Variants in PCDHGB4 observed in about 807,000 individuals in gnomAD.
The protein encoded by PCDHGB4 is protocadherin gamma-B4.
PCDHGB4 carries 38 observed loss-of-function variants against 60.5 expected under a neutral mutation model. That is an observed-to-expected ratio of 0.63 (90% CI 0.48 to 0.82). PCDHGB4 has a LOEUF of 0.82. Among genes scored for constraint, PCDHGB4 ranks in the 40% least tolerant of loss-of-function variants. PCDHGB4 has a pLI of 0.00. For synonymous variants in PCDHGB4, 456 were observed against 509.7 expected (o/e 0.89, Z 1.42); for missense variants, 1,109 against 1,209.6 (o/e 0.92, Z 1.23).
intron 1 of PCDHGB4, chr5:141,423,851 C>T (rs1311833319): frequency 7.8e-6 from 10 of 1,275,940 alleles, no homozygotes; most frequent in African/African-American, 1.6e-5. Flanking sequence ...TCTTTCAGAA[C>T]GTTTTTGTGA....
In PCDHGB4 at chr5:141,387,779, G is replaced by T; in HGVS notation, c.-106G>T. 1 of 1,458,032 alleles carries T rather than the reference G, an allele frequency of 6.9e-7. No individual in the cohort carries two copies. Among genetic ancestry groups the T allele is most frequent in the Admixed American group, 2.6e-5 (1 of 39,014 alleles). 90.3% of individuals were successfully genotyped at this position (1,458,032 alleles called of 1,614,324 possible). A position where few individuals can be genotyped will look rare whatever the true frequency, so the allele number is the denominator to read the frequency against. On this transcript the variant is annotated 5_prime_UTR_variant, in exon 1 of 4. Transcript: ENST00000519479. ...AAAAAGAAGAATTTTTTCTTGAACT[G>T]GAACTGCAACTAAAGTCCGTTCGGA... is the stretch of plus-strand genomic sequence containing the variant.
intron 1 of PCDHGB4, among the ~76,000 whole-genome samples, chr5:141,458,338 G>A (rs1160200932): frequency 2.6e-5 from 4 of 152,134 alleles, no homozygotes; most frequent in African/African-American, 9.7e-5. Context: ...GTTTTAAGGA[G>A]TGGAGAGTTT....
In PCDHGB4 at chr5:141,510,989, C is replaced by A. The variant is rs2099883548; in HGVS notation, c.2588C>A (p.Thr863Asn). The A allele has an allele frequency of 1.2e-6, 2 of 1,614,198 alleles. No homozygotes were observed. The highest frequency in any genetic ancestry group is 1.7e-6 in the Non-Finnish European group (2 of 1,180,022). ...TCCACCCTGGGAGGGGGTGCCGGCA[C>A]CATGGGATTGAGCGCCCGCTACGGA... is the stretch of plus-strand genomic sequence containing the variant. ...GSSTLGGGAG[T>N]MGLSARYGPQ... Residue 863 changes from threonine to asparagine, a missense_variant, in exon 4 of 4, where the codon ACC becomes AAC. Thr to Asn is a moderately conservative substitution (Grantham distance 65, BLOSUM62 0). Transcript: ENST00000519479.
At position 141,512,765 on chromosome 5, in the gene PCDHGB4, G is replaced by C. The variant is rs988707269; in HGVS notation, c.*1592G>C. 1 of 152,668 alleles carries C rather than the reference G, an allele frequency of 6.6e-6. No individual in the cohort carries two copies. The highest frequency in any genetic ancestry group is 1.5e-5 in the Non-Finnish European group (1 of 68,460). The allele number at this position is 152,668 out of a possible 1,614,324, so 9.5% of individuals were successfully genotyped here. On this transcript the variant is annotated 3_prime_UTR_variant, in exon 4 of 4. Transcript: ENST00000519479. ...CCGCGCAGCCGTCTGTCCTTGATCT[G>C]CCCGCGGCGGCCCGTGTTGTGTTTT...
Position 141,489,565 on chromosome 5 carries a change from G to C in PCDHGB4, c.2398-5242G>C. The C allele has an allele frequency of 6.2e-7, 1 of 1,614,118 alleles. No homozygotes were observed. ...CAGCTGCCTGCTGCCAGTGCAGGTGGTGACTGAACACCCCCTGGAGCTAAT... is the reference window on the plus strand; with the variant it reads ...CAGCTGCCTGCTGCCAGTGCAGGTGCTGACTGAACACCCCCTGGAGCTAAT... On this transcript the variant is annotated intron_variant, in intron 1 of 3. Coordinates refer to ENST00000519479, the MANE Select transcript of PCDHGB4 (RefSeq NM_003736.4). This position sits in a 1 kb window ranked among gnomAD's most constrained non-coding sequence, Gnocchi z 4.5.
rs1458508114 is a variant in PCDHGB4, at chr5:141,489,523, C to T, written c.2398-5284C>T. ...GAATCAAAAGATTGACCGAGAAAGC[C>T]TATGTGGAGCCAGCACCAGCTGCCT... On this transcript the variant is annotated intron_variant, in intron 1 of 3. Transcript: ENST00000519479. This position sits in a 1 kb window ranked among gnomAD's most constrained non-coding sequence, Gnocchi z 4.5. The T allele has an allele frequency of 3.5e-5, 56 of 1,614,006 alleles. No homozygotes were observed. The highest frequency in any genetic ancestry group is 4.5e-5 in the Non-Finnish European group (53 of 1,180,044).
rs1280923293 is a variant in PCDHGB4 at position 141,478,837 on chromosome 5, G to A, written c.2398-15970G>A. ...AACTAACCAATCTTGCTAAGGGATG[G>A]TTAAGCTAAAACACAAGATCTCAGC... is the stretch of plus-strand genomic sequence containing the variant. On this transcript the variant is annotated intron_variant, in intron 1 of 3. Transcript: ENST00000519479. 3.5e-6 allele frequency: 5 copies of A among 1,428,112 alleles called. No homozygotes were observed. The African/African-American group carries it at 5.8e-5, about 16-fold the overall frequency. The allele number at this position is 1,428,112 out of a possible 1,614,324, so 88.5% of individuals were successfully genotyped here.
At chr5:141,405,582 C>T in intron 1 of PCDHGB4, 3 of 589,180 alleles carry the variant, frequency 5.1e-6, no homozygotes, top group African/African-American at 1.9e-5. Context: ...GTAGCTGGGA[C>T]TACAGGCCTC....
intron 1 of PCDHGB4, chr5:141,419,059 T>C (rs574873856): frequency 1.6e-5 from 26 of 1,613,962 alleles, no homozygotes; most frequent in Non-Finnish European, 2.0e-5. Context: ...CTTCTAATAA[T>C]TACTACAAGC....
rs185055424 is a variant in PCDHGB4, at chr5:141,457,894, G to A, written c.2398-36913G>A. Among the ~76,000 whole-genome samples the A allele has an allele frequency of 3.2e-3, 488 of 152,332 alleles. 1 individual carries two copies. Among genetic ancestry groups the A allele is most frequent in the Non-Finnish European group, 5.0e-3 (342 of 68,028 alleles). On this transcript the variant is annotated intron_variant, in intron 1 of 3. Transcript: ENST00000519479. ...GTTAGGAACCCTGTGTGGGGACTGT[G>A]TAGACAAGGTGTGAGGCCAGTTCTC...
Position 141,489,384 on chromosome 5 carries a change from T to C in PCDHGB4, c.2398-5423T>C, listed in dbSNP as rs2099686499. The stretch of plus-strand genomic sequence containing the variant: ...AGCCGGGGACGCTGGTGGGGAATGT[T>C]GCTCAGGATCTGGGCTTAAAGATGA... On this transcript the variant is annotated intron_variant, in intron 1 of 3. Transcript: ENST00000519479. The surrounding 1 kb of genome is among the most constrained non-coding windows in gnomAD (Gnocchi z 4.5). 1 of 1,613,986 alleles carries C rather than the reference T, an allele frequency of 6.2e-7. No individual in the cohort carries two copies. The highest frequency in any genetic ancestry group is 8.5e-7 in the Non-Finnish European group (1 of 1,179,842).
At chr5:141,448,305 A>C (rs910461420) in intron 1 of PCDHGB4, among the ~76,000 whole-genome samples, 1 of 152,092 alleles carries the variant, frequency 6.6e-6, no homozygotes, top group East Asian at 1.9e-4. Context: ...TTAATATCTC[A>C]AGGAATCTTT....
chr5:141,442,348 CTG>C (rs1318031659), intron 1 of PCDHGB4: 1 of 152,378 alleles, frequency 6.6e-6, no homozygotes, highest in Non-Finnish European at 1.5e-5. Context: ...TTCTGGGTAA[CTG>C]TAGCTCTATG....
intron 1 of PCDHGB4, chr5:141,433,358 CCTATCTATCTATCTAT>C (rs3074541): frequency 2.0e-4 from 99 of 504,042 alleles, no homozygotes; most frequent in East Asian, 3.1e-4. Flanking sequence ...CTACTGTCTG[CCTATCTATCTATCTAT>C]CTATCTATCT....
chr5:141,443,104 C>A (rs950011995), intron 1 of PCDHGB4, among the ~76,000 whole-genome samples: 1 of 151,854 alleles, frequency 6.6e-6, no homozygotes, highest in East Asian at 1.9e-4. Flanking sequence ...TCAAGCTGAA[C>A]CTTGCTTTTC....
intron 1 of PCDHGB4, chr5:141,404,714 G>T (rs776337117): frequency 6.2e-7 from 1 of 1,614,068 alleles, no homozygotes; most frequent in Non-Finnish European, 8.5e-7. Context: ...TGGCTACCTG[G>T]TGACCAAGGT....
At chr5:141,478,733 T>C (rs1562072874) in intron 1 of PCDHGB4, 8 of 1,537,128 alleles carry the variant, frequency 5.2e-6, no homozygotes, top group Non-Finnish European at 7.0e-6. Context: ...AGAGTGTGGT[T>C]TGTGGTCCCA....
At position 141,389,059 on chromosome 5, in the gene PCDHGB4, T is replaced by C. The variant is rs773183818; in HGVS notation, c.1175T>C (p.Ile392Thr). ...CKLEGDVPFK[I>T]LTSSRNTYKL... The stretch of plus-strand genomic sequence containing the variant: ...TTGGAAGGTGATGTTCCATTTAAAA[T>C]ATTAACTTCTTCAAGAAACACGTAT... Residue 392 changes from isoleucine (I) to threonine (T), a missense_variant, in exon 1 of 4, where the codon ATA becomes ACA. Physicochemically the swap from Ile to Thr is moderately conservative, Grantham distance 89. This residue lies in a region of PCDHGB4 where 1,068 missense variants were observed against 1,089.9 expected (regional missense o/e 0.98). Transcript: ENST00000519479. 4 of 1,613,988 alleles carry C rather than the reference T, an allele frequency of 2.5e-6. No individual in the cohort carries two copies. In the South Asian group the frequency reaches 4.4e-5, roughly 18 times the overall value.
chr5:141,433,365 A>ATCTG, intron 1 of PCDHGB4: 1 of 523,830 alleles, frequency 1.9e-6, no homozygotes, highest in East Asian at 3.1e-5. Context: ...CTGCCTATCT[A>ATCTG]TCTATCTATC....
Sources: allele counts gnomAD v4.1 joint callset (sites outside exome capture counted in the v4.1 genomes callset), GRCh38; gene constraint gnomAD v4.1.1; regional missense constraint gnomAD v4.1.1; non-coding constraint Gnocchi (gnomAD v3.1); transcripts MANE v1.5; gene names NCBI Gene and HGNC (gene_info 2026-07-23, HGNC 2026-07-21).